The following BCLAF1 variants were observed in gnomAD, a reference collection of about 807,000 sequenced individuals.
BCLAF1 encodes the protein bcl-2-associated transcription factor 1.
BCLAF1 carries 10 observed loss-of-function variants against 99.5 expected under a neutral mutation model. The observed-to-expected ratio is 0.10, with a 90% CI of 0.06 to 0.17. The LOEUF (loss-of-function observed/expected upper bound fraction) is 0.17. Among genes scored for constraint, BCLAF1 ranks in the 10% least tolerant of loss-of-function variants. The pLI, the probability that BCLAF1 is intolerant of heterozygous loss-of-function variation, is 1.00. For missense variants in BCLAF1, 636 were observed against 1,105.8 expected (o/e 0.58, Z 6.02); for synonymous variants, 255 against 370.9 (o/e 0.69, Z 3.59).
chr6:136,266,076 C>T (rs1781675788), intron 11 of BCLAF1, among the ~76,000 whole-genome samples: 1 of 151,274 alleles, frequency 6.6e-6, no homozygotes, highest in Non-Finnish European at 1.5e-5. Flanking sequence ...CATTAACATG[C>T]CAAAAAAGAG....
intron 8 of BCLAF1, chr6:136,269,867 G>C: frequency 3.3e-6 from 1 of 301,666 alleles, no homozygotes. Flanking sequence ...GAATTTTGCA[G>C]GTTTTTATCC....
chr6:136,275,473 A>AT, intron 6 of BCLAF1, 59 bp downstream of exon 6: 3 of 1,416,298 alleles, frequency 2.1e-6, no homozygotes, highest in Non-Finnish European at 2.8e-6. Flanking sequence ...ATAATTACAC[A>AT]TTTTTTTATT....
rs760973333 is a variant in BCLAF1, at chr6:136,280,588, GATTT to G, written c.-10-716_-10-713del. On this transcript the variant is annotated intron_variant, in intron 2 of 12. Coordinates refer to ENST00000531224, the MANE Select transcript of BCLAF1 (RefSeq NM_014739.3). ...GAATTGGAGGGATTACTTCAAGAAA[GATTT>G]ATTAGAACTACAAGAAAAAAAAAAC... 7.9e-5 allele frequency among the ~76,000 whole-genome samples: 12 copies of G among 151,794 alleles called. 1 individual carries two copies. Among genetic ancestry groups the G allele is most frequent in the Admixed American group, 2.6e-4 (4 of 15,264 alleles).
chr6:136,275,773 A>G lies in BCLAF1; in HGVS notation c.1682+70T>C, dbSNP rs957797366. On this transcript the variant is annotated intron_variant, in intron 5 of 12. Coordinates refer to ENST00000531224, the MANE Select transcript of BCLAF1 (RefSeq NM_014739.3). ...TTAAATATAAAAATGGTATGTTCAG[A>G]AAGTTTAAGATAATTAACTGGAATA... 6.4e-6 allele frequency: 10 copies of G among 1,565,232 alleles called. No homozygotes were observed. The Admixed American group carries it at 7.6e-5, about 12-fold the overall frequency.
rs1780523590 is a variant in BCLAF1 at position 136,257,242 on chromosome 6, C to G, written c.*3868G>C. Reference sequence around the variant, plus strand: ...GAAAAATTTTCCTATATACAGATTACAATTAAGACACATTATTTGAATGTT... The same window carrying G: ...GAAAAATTTTCCTATATACAGATTAGAATTAAGACACATTATTTGAATGTT... On this transcript the variant is annotated 3_prime_UTR_variant, in exon 13 of 13. Coordinates refer to ENST00000531224, the MANE Select transcript of BCLAF1 (RefSeq NM_014739.3). The G allele has an allele frequency of 1.3e-5, 2 of 152,164 alleles. No homozygotes were observed. The highest frequency in any genetic ancestry group is 4.1e-4 in the South Asian group (2 of 4,826). 9.4% of individuals were successfully genotyped at this position (152,164 alleles called of 1,614,324 possible).
intron 1 of BCLAF1, among the ~76,000 whole-genome samples, chr6:136,283,734 A>G (rs911568805): frequency 5.9e-5 from 9 of 152,198 alleles, no homozygotes; most frequent in African/African-American, 2.2e-4. Flanking sequence ...GTAACATTAA[A>G]CTGGTGAATC....
rs1780894074 is a variant in BCLAF1 at position 136,261,028 on chromosome 6, A to G, written c.*82T>C. 1.6e-5 allele frequency: 23 copies of G among 1,414,152 alleles called. No homozygotes were observed. Among genetic ancestry groups the G allele is most frequent in the Non-Finnish European group, 2.2e-5 (23 of 1,043,930 alleles). The allele number at this position is 1,414,152 out of a possible 1,614,324, so 87.6% of individuals were successfully genotyped here. On this transcript the variant is annotated 3_prime_UTR_variant, in exon 13 of 13. Transcript: ENST00000531224. ...ACAGTAAAATTTAAGTAAAATGCTT[A>G]CATTCTTATTTGAAAACAAAAATCA...
In BCLAF1 at chr6:136,289,826, C is replaced by T. The variant is rs1229574025; in HGVS notation, c.-228G>A. The T allele has an allele frequency of 2.6e-5, 4 of 152,712 alleles. No individual in the cohort carries two copies. The highest frequency in any genetic ancestry group is 2.6e-4 in the Admixed American group (4 of 15,290). 9.5% of individuals were successfully genotyped at this position (152,712 alleles called of 1,614,324 possible). A position where few individuals can be genotyped will look rare whatever the true frequency, so the allele number is the denominator to read the frequency against. ...TAGAGCTACCTTCGACGCGCTAGCACGTCTCCGTCACTTCCGATCTGGGGC... is the reference window on the plus strand; with the variant it reads ...TAGAGCTACCTTCGACGCGCTAGCATGTCTCCGTCACTTCCGATCTGGGGC... On this transcript the variant is annotated 5_prime_UTR_variant, in exon 1 of 13. It adds an upstream start codon to the 5' untranslated region. Transcript: ENST00000531224.
In BCLAF1 at chr6:136,259,813, A is replaced by T. The variant is rs1780753279; in HGVS notation, c.*1297T>A. On this transcript the variant is annotated 3_prime_UTR_variant, in exon 13 of 13. Transcript: ENST00000531224. The stretch of plus-strand genomic sequence containing the variant: ...ACACACACACACAACTAAATTAACA[A>T]ATGAAATGTGTCTACTTTTATATAT... 1 of 152,048 alleles carries T rather than the reference A, an allele frequency of 6.6e-6. No individual in the cohort carries two copies. Among genetic ancestry groups the T allele is most frequent in the Non-Finnish European group, 1.5e-5 (1 of 67,914 alleles). 9.4% of individuals were successfully genotyped at this position (152,048 alleles called of 1,614,324 possible).
At chr6:136,265,938 T>C (rs1320545664) in intron 11 of BCLAF1, among the ~76,000 whole-genome samples, 3 of 152,160 alleles carry the variant, frequency 2.0e-5, no homozygotes, top group Non-Finnish European at 4.4e-5. Flanking sequence ...TAGATGGATC[T>C]TTCAAATTTT....
At chr6:136,274,771 A>C (rs1267529762) in intron 6 of BCLAF1, among the ~76,000 whole-genome samples, 1 of 152,022 alleles carries the variant, frequency 6.6e-6, no homozygotes, top group Non-Finnish European at 1.5e-5. Flanking sequence ...ACTTAACCTA[A>C]CTGCCCAAAA....
In BCLAF1 at chr6:136,258,661, T is replaced by A. The variant is rs538402338; in HGVS notation, c.*2449A>T. The A allele has an allele frequency of 6.6e-6, 1 of 152,634 alleles. No homozygotes were observed. Among genetic ancestry groups the A allele is most frequent in the South Asian group, 2.1e-4 (1 of 4,828 alleles). The allele number at this position is 152,634 out of a possible 1,614,324, so 9.5% of individuals were successfully genotyped here. ...TTGCATCATTATACATCACACTGAG[T>A]AAGAATCGTTTAGCCATCTACATTC... On this transcript the variant is annotated 3_prime_UTR_variant, in exon 13 of 13. Coordinates refer to ENST00000531224, the MANE Select transcript of BCLAF1 (RefSeq NM_014739.3).
intron 4 of BCLAF1, among the ~76,000 whole-genome samples, chr6:136,276,921 T>C (rs931869569): frequency 1.3e-5 from 2 of 152,110 alleles, no homozygotes; most frequent in African/African-American, 4.8e-5. Context: ...TAAACAAGAG[T>C]TCACACAAAT....
chr6:136,261,834 T>A (rs745992210), intron 11 of BCLAF1, among the ~76,000 whole-genome samples: 4 of 152,066 alleles, frequency 2.6e-5, no homozygotes. Flanking sequence ...GAGATAAAAT[T>A]AAGTTTTTCC....
intron 11 of BCLAF1, among the ~76,000 whole-genome samples, chr6:136,263,712 CCAA>C (rs1415625178): frequency 6.6e-6 from 1 of 152,116 alleles, no homozygotes; most frequent in Non-Finnish European, 1.5e-5. Context: ...CCCTTCCCCA[CCAA>C]CGATTTTCTC....
rs1224278551 is a variant in BCLAF1 at position 136,282,650 on chromosome 6, G to A, written c.-77C>T. ...AGATACTGTAAAAATTCTTCCTGGA[G>A]AGAATGCTCTGAGAAATTAAACTCT... On this transcript the variant is annotated 5_prime_UTR_variant, in exon 2 of 13. Transcript: ENST00000531224. 1 of 152,128 alleles carries A rather than the reference G, an allele frequency of 6.6e-6. No homozygotes were observed. Among genetic ancestry groups the A allele is most frequent in the Non-Finnish European group, 1.5e-5 (1 of 68,012 alleles). 9.4% of individuals were successfully genotyped at this position (152,128 alleles called of 1,614,324 possible). A position where few individuals can be genotyped will look rare whatever the true frequency, so the allele number is the denominator to read the frequency against.
intron 1 of BCLAF1, among the ~76,000 whole-genome samples, chr6:136,287,800 C>A (rs912458848): frequency 6.6e-6 from 1 of 152,160 alleles, no homozygotes; most frequent in Non-Finnish European, 1.5e-5. Flanking sequence ...GTGGGCCAGG[C>A]GAGTGGATCA....
At position 136,264,932 on chromosome 6, in the gene BCLAF1, A is replaced by C. The variant is rs922474833; in HGVS notation, c.2544+2097T>G. ...AGTGGCTAAATTCTTAAAATAAGACAGTTCTTAATGAAACTACTGCCTAAG... is the reference window on the plus strand; with the variant it reads ...AGTGGCTAAATTCTTAAAATAAGACCGTTCTTAATGAAACTACTGCCTAAG... On this transcript the variant is annotated intron_variant, in intron 11 of 12. Transcript: ENST00000531224. Among the ~76,000 whole-genome samples, 3 of 152,208 alleles carry C rather than the reference A, an allele frequency of 2.0e-5. No homozygotes were observed. The East Asian group carries it at 5.8e-4, about 29-fold the overall frequency.
chr6:136,268,427 TCAA>T (rs1242938084), intron 9 of BCLAF1, 88 bp from the exon 10 acceptor site: 2 of 1,123,042 alleles, frequency 1.8e-6, no homozygotes, highest in Non-Finnish European at 2.6e-6. Flanking sequence ...ATTTTTCAAG[TCAA>T]CAACACTATC....
Sources: gnomAD v4.1 joint callset for allele counts (sites outside exome capture counted in the v4.1 genomes callset) on GRCh38, gnomAD v4.1.1 for gene constraint, MANE v1.5 for transcripts, NCBI Gene and HGNC (gene_info 2026-07-23, HGNC 2026-07-21) for gene names.